The following DNAH11 variants were observed in gnomAD, a reference collection of about 807,000 sequenced individuals.
DNAH11 encodes the protein dynein axonemal heavy chain 11.
Under a neutral mutation model 526.0 loss-of-function variants are expected in DNAH11, and 442 were observed. That is an observed-to-expected ratio of 0.84 (90% CI 0.78 to 0.91). The LOEUF is 0.91. Among genes scored for constraint, DNAH11 ranks in the 40% least tolerant of loss-of-function variants. DNAH11 has a pLI of 0.00. For synonymous variants in DNAH11, 2,461 were observed against 1,935.9 expected (o/e 1.27, Z -7.12); for missense variants, 6,989 against 5,448.7 (o/e 1.28, Z -8.90).
intron 25 of DNAH11, among the ~76,000 whole-genome samples, chr7:21,629,274 G>C (rs150453844): frequency 2.4e-4 from 37 of 152,180 alleles, no homozygotes; most frequent in African/African-American, 8.7e-4. Flanking sequence ...AAAGGTACTC[G>C]ATATGATTTC....
chr7:21,695,975 T>C (rs530110507), intron 35 of DNAH11, among the ~76,000 whole-genome samples: 1 of 152,298 alleles, frequency 6.6e-6, no homozygotes, highest in East Asian at 1.9e-4. Flanking sequence ...AATATTCCCT[T>C]ATTATCTGTA....
At chr7:21,840,813 T>C (rs1562577618) in intron 65 of DNAH11, among the ~76,000 whole-genome samples, 4 of 152,200 alleles carry the variant, frequency 2.6e-5, no homozygotes, top group African/African-American at 9.7e-5. Flanking sequence ...AAGGGTTAAG[T>C]AGAGATGTTG....
chr7:21,848,925 G>T (rs1281457242), intron 66 of DNAH11, among the ~76,000 whole-genome samples: 1 of 151,704 alleles, frequency 6.6e-6, no homozygotes, highest in Non-Finnish European at 1.5e-5. Flanking sequence ...CACTCTTGTT[G>T]CCCAGGCTGG....
At chr7:21,719,211 TTTCTCTTCTGTGG>T (rs1784782918) in intron 43 of DNAH11, among the ~76,000 whole-genome samples, 1 of 152,228 alleles carries the variant, frequency 6.6e-6, no homozygotes, top group African/African-American at 2.4e-5. Flanking sequence ...TATAGAGTAA[TTTCTCTTCTGTGG>T]TTACTAATAA....
At chr7:21,848,027 C>T (rs1341584241) in intron 66 of DNAH11, among the ~76,000 whole-genome samples, 4 of 151,786 alleles carry the variant, frequency 2.6e-5, no homozygotes, top group Admixed American at 6.6e-5. Context: ...ATTAGCTGGG[C>T]GTGGTGGCGG....
In DNAH11 at chr7:21,707,685, C is replaced by G. The variant is rs751009625; in HGVS notation, c.6547-14C>G. Reference sequence around the variant, plus strand: ...TAGTATTAATTTTTTTGGCTCTTTCCTCCTTCCCCTCAGATTTTGAGAACA... The same window carrying G: ...TAGTATTAATTTTTTTGGCTCTTTCGTCCTTCCCCTCAGATTTTGAGAACA... On this transcript the variant is annotated splice_polypyrimidine_tract_variant and intron_variant, in intron 39 of 81. Transcript: ENST00000409508. 6.3e-7 allele frequency: 1 copy of G among 1,595,936 alleles called. No individual in the cohort carries two copies. The highest frequency in any genetic ancestry group is 8.5e-7 in the Non-Finnish European group (1 of 1,173,726).
At chr7:21,578,773 AC>A (rs79366591) in intron 8 of DNAH11, among the ~76,000 whole-genome samples, 17,510 of 152,176 alleles carry the variant, frequency 0.12, 1,260 homozygotes, top group East Asian at 0.2. Context: ...GCTTCTGTGT[AC>A]CCACAGAAAC....
At chr7:21,600,201 G>T in intron 15 of DNAH11, 82 bp downstream of exon 15, 2 of 1,211,026 alleles carry the variant, frequency 1.7e-6, no homozygotes, top group Non-Finnish European at 2.2e-6. Flanking sequence ...AGCTCATGCT[G>T]GGAATCCCAG....
At position 21,581,975 on chromosome 7, in the gene DNAH11, T is replaced by C. The variant is rs377625927; in HGVS notation, c.1664T>C (p.Ile555Thr). The change falls in exon 9 of 82, where the codon ATT (isoleucine) becomes ACT (threonine). Residue 555 changes from isoleucine to threonine, a missense_variant. By Grantham distance (89) the Ile-to-Thr change is moderately conservative. Coordinates refer to ENST00000409508, the MANE Select transcript of DNAH11 (RefSeq NM_001277115.2). ...LEFDRRLGTI[I>T]CEAFFNCNGL... is the part of the protein sequence containing the mutation. The stretch of plus-strand genomic sequence containing the variant: ...TTTGACAGAAGGCTTGGGACAATTA[T>C]TTGTGAAGCTTTCTTTAACTGCAAT... 1.9e-6 allele frequency: 3 copies of C among 1,613,412 alleles called. No homozygotes were observed. The highest frequency in any genetic ancestry group is 1.7e-4 in the Middle Eastern group (1 of 6,034).
chr7:21,671,470 T>C (rs976193342), intron 30 of DNAH11, among the ~76,000 whole-genome samples: 5 of 152,204 alleles, frequency 3.3e-5, no homozygotes, highest in Non-Finnish European at 7.4e-5. Context: ...TTCAGTATTA[T>C]CCTCAGAACA....
intron 35 of DNAH11, among the ~76,000 whole-genome samples, chr7:21,692,696 A>ATATCTATGGCTAGTCTACATAGATATCT (rs1783684569): frequency 6.6e-6 from 1 of 152,202 alleles, no homozygotes; most frequent in African/African-American, 2.4e-5. Context: ...CTATGGCTGG[A>ATATCTATGGCTAGTCTACATAGATATCT]ATTGCTAGTC....
chr7:21,710,618 A>T lies in DNAH11; in HGVS notation c.6749A>T (p.His2250Leu). 6.2e-7 allele frequency: 1 copy of T among 1,613,434 alleles called. No homozygotes were observed. Among genetic ancestry groups the T allele is most frequent in the South Asian group, 1.1e-5 (1 of 91,022 alleles). The change falls in exon 41 of 82, where the codon CAT (histidine) becomes CTT (leucine). Residue 2250 changes from histidine (H) to leucine (L), a missense_variant. His to Leu is a moderately conservative substitution (Grantham distance 99). Transcript: ENST00000409508. ...SILREQANLK[H>L]DGPKWIVLDG... is the part of the protein sequence containing the mutation. ...CTACGAGAACAAGCAAATCTTAAGCATGATGGACCAAAATGGATAGTCCTG... is the reference window on the plus strand; with the variant it reads ...CTACGAGAACAAGCAAATCTTAAGCTTGATGGACCAAAATGGATAGTCCTG...
intron 20 of DNAH11, among the ~76,000 whole-genome samples, chr7:21,612,088 G>A (rs1166299619): frequency 6.6e-6 from 1 of 152,148 alleles, no homozygotes; most frequent in Admixed American, 6.5e-5. Flanking sequence ...AAAATATAGA[G>A]CACTATTAAT....
At chr7:21,694,108 A>G (rs1425622247) in intron 35 of DNAH11, among the ~76,000 whole-genome samples, 1 of 152,178 alleles carries the variant, frequency 6.6e-6, no homozygotes, top group Non-Finnish European at 1.5e-5. Flanking sequence ...TTGAACTACA[A>G]TTCAACATGA....
chr7:21,822,272 G>A (rs2128002850), intron 65 of DNAH11, among the ~76,000 whole-genome samples: 1 of 152,248 alleles, frequency 6.6e-6, no homozygotes, highest in East Asian at 1.9e-4. Context: ...AATCATGGTG[G>A]AAGGTAAACG....
intron 5 of DNAH11, among the ~76,000 whole-genome samples, chr7:21,563,381 A>G (rs1264178773): frequency 6.6e-6 from 1 of 151,650 alleles, no homozygotes; most frequent in Non-Finnish European, 1.5e-5. Context: ...GCTAATTTTT[A>G]AGTTTTTTGT....
At position 21,691,178 on chromosome 7, in the gene DNAH11, C is replaced by T. The variant is rs73063714; in HGVS notation, c.6041+297C>T. ...CATAATCTTTCATAATTTTTTTTTT[C>T]TTTTTTTTTTTTTAACAGTCAAAGT... On this transcript the variant is annotated intron_variant, in intron 35 of 81. Coordinates refer to ENST00000409508, the MANE Select transcript of DNAH11 (RefSeq NM_001277115.2). 0.019 allele frequency among the ~76,000 whole-genome samples: 1,299 copies of T among 67,132 alleles called. 106 individuals are homozygous for T. The East Asian group carries it at 0.45, about 23-fold the overall frequency. 44.0% of individuals were successfully genotyped at this position (67,132 alleles called of 152,430 possible).
intron 76 of DNAH11, among the ~76,000 whole-genome samples, chr7:21,892,064 A>G (rs1017591906): frequency 1.3e-5 from 2 of 152,126 alleles, no homozygotes; most frequent in African/African-American, 4.8e-5. Context: ...CAGAGTCTTG[A>G]TTTCCTCTCT....
chr7:21,543,457 G>T lies in DNAH11; in HGVS notation c.212G>T (p.Gly71Val). Residue 71 changes from glycine to valine, a missense_variant, in exon 1 of 82, where the codon GGG (glycine) becomes GTG (valine). Transcript: ENST00000409508. ...FLGGRLAMML[G>V]FTEEKWSQYL... is the part of the protein sequence containing the mutation. ...GGCGGCCGCCTGGCGATGATGCTGG[G>T]GTTCACGGAGGAGAAATGGAGCCAG... 6.3e-7 allele frequency: 1 copy of T among 1,575,176 alleles called. No homozygotes were observed. The highest frequency in any genetic ancestry group is 8.6e-7 in the Non-Finnish European group (1 of 1,159,598).
Sources: gnomAD v4.1 joint callset for allele counts (sites outside exome capture counted in the v4.1 genomes callset) on GRCh38, gnomAD v4.1.1 for gene constraint, MANE v1.5 for transcripts, NCBI Gene and HGNC (gene_info 2026-07-23, HGNC 2026-07-21) for gene names.